Variants in ARID1B observed in about 807,000 individuals in gnomAD.
ARID1B encodes the protein AT-rich interactive domain-containing protein 1B.
ARID1B carries 30 observed loss-of-function variants against 212.3 expected under a neutral mutation model. That is an observed-to-expected ratio of 0.14 (90% CI 0.11 to 0.19). The LOEUF (loss-of-function observed/expected upper bound fraction) is 0.19. ARID1B is among the 10% of genes least tolerant of loss of function. The pLI, the probability that ARID1B is intolerant of heterozygous loss-of-function variation, is 1.00. For missense variants in ARID1B, 2,891 were observed against 3,204.0 expected (o/e 0.90, Z 2.36); for synonymous variants, 1,402 against 1,301.7 (o/e 1.08, Z -1.66).
intron 4 of ARID1B, among the ~76,000 whole-genome samples, chr6:157,075,249 G>A (rs1293905872): frequency 2.0e-5 from 3 of 152,052 alleles, no homozygotes; most frequent in African/African-American, 4.8e-5. Context: ...TGACTTTTGC[G>A]GGAGTACTGC....
intron 4 of ARID1B, among the ~76,000 whole-genome samples, chr6:156,957,338 T>C (rs1350946464): frequency 6.6e-6 from 1 of 152,180 alleles, no homozygotes; most frequent in Non-Finnish European, 1.5e-5. Context: ...GAAGATCTCT[T>C]GTGGACATCC....
intron 3 of ARID1B, among the ~76,000 whole-genome samples, chr6:156,927,737 A>G (rs1004656960): frequency 8.5e-5 from 13 of 152,138 alleles, no homozygotes; most frequent in African/African-American, 2.4e-4. Context: ...TTGTCCTTAT[A>G]CATTTGTTTT....
chr6:156,932,129 C>CT (rs1791778396), intron 3 of ARID1B, among the ~76,000 whole-genome samples: 1 of 77,692 alleles, frequency 1.3e-5, no homozygotes. Context: ...GACCTTGTTT[C>CT]TTAAAAAAAA....
intron 4 of ARID1B, among the ~76,000 whole-genome samples, chr6:157,079,635 G>A (rs1189823324): frequency 1.3e-5 from 2 of 152,180 alleles, no homozygotes; most frequent in African/African-American, 4.8e-5. Context: ...AGTTTTAATA[G>A]CTAAGTCAAT....
At chr6:156,920,786 C>T (rs1002400518) in intron 3 of ARID1B, among the ~76,000 whole-genome samples, 1 of 151,828 alleles carries the variant, frequency 6.6e-6, no homozygotes, top group Non-Finnish European at 1.5e-5. Context: ...GTCAGGAAGT[C>T]GGGCAGGGAA....
At chr6:156,979,380 G>T (rs1301482485) in intron 4 of ARID1B, among the ~76,000 whole-genome samples, 1 of 152,146 alleles carries the variant, frequency 6.6e-6, no homozygotes, top group East Asian at 1.9e-4. Flanking sequence ...TCCTGCCATG[G>T]GGAGAAATTA....
chr6:157,178,886 C>T (rs1294386776), intron 11 of ARID1B, among the ~76,000 whole-genome samples: 2 of 152,188 alleles, frequency 1.3e-5, no homozygotes, highest in Non-Finnish European at 2.9e-5. Context: ...TCCAGAACCA[C>T]TCCCCAGTTT....
intron 4 of ARID1B, among the ~76,000 whole-genome samples, chr6:157,037,532 G>A (rs889944574): frequency 6.6e-6 from 1 of 152,186 alleles, no homozygotes; most frequent in African/African-American, 2.4e-5. Flanking sequence ...AGAAATGAGA[G>A]CTATTTTCGG....
At chr6:157,123,198 GTCTC>G (rs377283771) in intron 6 of ARID1B, among the ~76,000 whole-genome samples, 97 of 146,812 alleles carry the variant, frequency 6.6e-4, no homozygotes, top group African/African-American at 2.2e-3. Context: ...CTCTGTCTCT[GTCTC>G]TCTCTCAATC....
intron 5 of ARID1B, among the ~76,000 whole-genome samples, chr6:157,104,398 C>T (rs1786313412): frequency 6.6e-6 from 1 of 152,130 alleles, no homozygotes. Flanking sequence ...CAGATATTAG[C>T]CAATGTAGTT....
chr6:157,201,252 C>T lies in ARID1B; in HGVS notation c.5027C>T (p.Ala1676Val), dbSNP rs762698567. Residue 1676 changes from alanine to valine, a missense_variant, in exon 18 of 20, where the codon GCG (alanine) becomes GTG (valine). Ala to Val is a moderately conservative substitution (Grantham distance 64). Coordinates refer to ENST00000636930, the MANE Select transcript of ARID1B (RefSeq NM_001374828.1). This position sits in a 1 kb window ranked among gnomAD's most constrained non-coding sequence, Gnocchi z 5.2. The part of the protein sequence containing the change: ...PPSLPNHISR[A>V]PSPASFQRSL... The stretch of plus-strand genomic sequence containing the variant: ...TCACTGCCAAATCACATCTCCAGGG[C>T]GCCCAGCCCAGCGTCCTTCCAGCGC... 37 of 1,613,956 alleles carry T rather than the reference C, an allele frequency of 2.3e-5. No individual in the cohort carries two copies. Among genetic ancestry groups the T allele is most frequent in the Non-Finnish European group, 2.7e-5 (32 of 1,180,010 alleles).
chr6:157,007,726 GTT>G (rs34711541), intron 4 of ARID1B, among the ~76,000 whole-genome samples: 163 of 138,406 alleles, frequency 1.2e-3, no homozygotes, highest in Non-Finnish European at 2.0e-3. Flanking sequence ...GCCCTAAGTT[GTT>G]TTTTTTTTTT....
At chr6:157,147,144 T>C (rs1314208762) in intron 7 of ARID1B, among the ~76,000 whole-genome samples, 1 of 151,990 alleles carries the variant, frequency 6.6e-6, no homozygotes, top group African/African-American at 2.4e-5. Context: ...TGAATCTATC[T>C]ACACACAATC....
At chr6:156,969,725 T>A (rs1776787445) in intron 4 of ARID1B, among the ~76,000 whole-genome samples, 1 of 152,202 alleles carries the variant, frequency 6.6e-6, no homozygotes, top group Non-Finnish European at 1.5e-5. Context: ...GAGCTTTATA[T>A]GGCCAGGGGA....
chr6:156,999,766 A>G (rs915098632), intron 4 of ARID1B, among the ~76,000 whole-genome samples: 1 of 152,200 alleles, frequency 6.6e-6, no homozygotes, highest in African/African-American at 2.4e-5. Context: ...ACAGCAATGG[A>G]AAAACAATTC....
intron 4 of ARID1B, among the ~76,000 whole-genome samples, chr6:156,975,833 G>C (rs188787864): frequency 1.3e-5 from 2 of 152,084 alleles, no homozygotes; most frequent in Admixed American, 1.3e-4. Flanking sequence ...CAAGCTTTAC[G>C]TGAACAGTAA....
At position 157,201,601 on chromosome 6, in the gene ARID1B, A is replaced by G; in HGVS notation, c.5263+113A>G. On this transcript the variant is annotated intron_variant, in intron 18 of 19. Coordinates refer to ENST00000636930, the MANE Select transcript of ARID1B (RefSeq NM_001374828.1). This position sits in a 1 kb window ranked among gnomAD's most constrained non-coding sequence, Gnocchi z 5.2. ...TTAAAGGGATGAAAAAATTATGACT[A>G]GAAGTTATCAAGATGCGTTTTTATA... The G allele has an allele frequency of 8.0e-7, 1 of 1,247,760 alleles. No individual in the cohort carries two copies. Among genetic ancestry groups the G allele is most frequent in the East Asian group, 2.5e-5 (1 of 39,556 alleles). The allele number at this position is 1,247,760 out of a possible 1,614,324, so 77.3% of individuals were successfully genotyped here.
intron 3 of ARID1B, among the ~76,000 whole-genome samples, chr6:156,928,360 G>A (rs913080702): frequency 2.0e-5 from 3 of 152,194 alleles, no homozygotes; most frequent in Admixed American, 6.5e-5. Context: ...TGTGTCAGAC[G>A]TGCACAGATT....
At chr6:157,136,810 C>T (rs919693236) in intron 7 of ARID1B, among the ~76,000 whole-genome samples, 12 of 151,692 alleles carry the variant, frequency 7.9e-5, no homozygotes, top group African/African-American at 2.2e-4. Context: ...TGCAGTGAGC[C>T]GAGATCATGC....
Sources: gnomAD v4.1 joint callset for allele counts (sites outside exome capture counted in the v4.1 genomes callset) on GRCh38, gnomAD v4.1.1 for gene constraint, Gnocchi (gnomAD v3.1) non-coding constraint, MANE v1.5 for transcripts, NCBI Gene and HGNC (gene_info 2026-07-23, HGNC 2026-07-21) for gene names.